Variants in B3GALT2 observed in about 807,000 individuals in gnomAD.
B3GALT2 encodes the protein beta-1,3-galactosyltransferase 2.
A neutral mutation model predicts 33.5 loss-of-function variants in B3GALT2; 13 were observed. The observed-to-expected ratio is 0.39, with a 90% confidence interval of 0.25 to 0.62. The LOEUF (loss-of-function observed/expected upper bound fraction) is 0.62, where lower values mean the gene tolerates loss of function less well. B3GALT2 is among the 20% of genes least tolerant of loss of function. The pLI is 0.53. For missense variants in B3GALT2, 418 were observed against 509.1 expected (o/e 0.82, Z 1.72); for synonymous variants, 195 against 172.7 (o/e 1.13, Z -1.01).
chr1:193,184,553 G>A (rs1313780483), intron 1 of B3GALT2, among the ~76,000 whole-genome samples: 1 of 151,804 alleles, frequency 6.6e-6, no homozygotes, highest in Non-Finnish European at 1.5e-5. Context: ...GTAAAATGCT[G>A]TTCAGTACAC....
At position 193,184,500 on chromosome 1, in the gene B3GALT2, GTATT is replaced by G. The variant is rs527885195; in HGVS notation, c.-121+1515_-121+1518del. 4.1e-3 allele frequency among the ~76,000 whole-genome samples: 624 copies of G among 151,958 alleles called. 5 individuals carry two copies. Among genetic ancestry groups the G allele is most frequent in the African/African-American group, 0.014 (589 of 41,530 alleles). On this transcript the variant is annotated intron_variant, in intron 1 of 1. Coordinates refer to ENST00000367434, the MANE Select transcript of B3GALT2 (RefSeq NM_003783.3). ...TTTGATATCTTCACATTATTAATGTGTATTTATAGCTTGTGGATGAAGTTCATGG... is the reference window on the plus strand; with the variant it reads ...TTTGATATCTTCACATTATTAATGTGTATAGCTTGTGGATGAAGTTCATGG...
In B3GALT2 at chr1:193,181,301, G is replaced by C. The variant is rs200584199; in HGVS notation, c.262C>G (p.Pro88Ala). The C allele has an allele frequency of 6.2e-7, 1 of 1,614,006 alleles. No homozygotes were observed. Among genetic ancestry groups the C allele is most frequent in the East Asian group, 2.2e-5 (1 of 44,876 alleles). Residue 88 changes from proline (P) to alanine (A), a missense_variant, in exon 2 of 2, where the codon CCT becomes GCT. Physicochemically the swap from Pro to Ala is conservative, Grantham distance 27 (BLOSUM62 -1). This residue lies in a region of B3GALT2 where 188 missense variants were observed against 197.5 expected (regional missense o/e 0.95). Transcript: ENST00000367434. ...GCTGTTTGAGGCCTCAGGGTTTGAG[G>C]GACTGTTTCTTTCCAAATGTTCCGA... The part of the protein sequence containing the change: ...SLRNIWKETV[P>A]QTLRPQTATN...
In B3GALT2 at chr1:193,180,564, A is replaced by G. The variant is rs774933703; in HGVS notation, c.999T>C (p.Gly333=). ...CATCTTCCAAGTGCAAACGGCGGAT[A>G]CCTAAAGAAACTTTAAAAATCTTTT... ...LAEKIFKVSL[G]IRRLHLEDVY... is the part of the protein sequence containing the mutation. The change falls in exon 2 of 2, where the codon GGT becomes GGC. Residue 333 remains glycine, a synonymous_variant. Coordinates refer to ENST00000367434, the MANE Select transcript of B3GALT2 (RefSeq NM_003783.3). 2.5e-6 allele frequency: 4 copies of G among 1,614,164 alleles called. No individual in the cohort carries two copies. In the South Asian group the frequency reaches 4.4e-5, roughly 18 times the overall value.
intron 1 of B3GALT2, among the ~76,000 whole-genome samples, chr1:193,181,966 A>G (rs1676724772): frequency 6.6e-6 from 1 of 152,206 alleles, no homozygotes; most frequent in South Asian, 2.1e-4. Context: ...TTAAAGATTT[A>G]AAAGTTGAAT....
At chr1:193,182,232 A>G (rs1426390964) in intron 1 of B3GALT2, among the ~76,000 whole-genome samples, 2 of 152,100 alleles carry the variant, frequency 1.3e-5, no homozygotes, top group Non-Finnish European at 2.9e-5. Context: ...TGTGTTGAGA[A>G]AGTCAATGAG....
At position 193,180,390 on chromosome 1, in the gene B3GALT2, T is replaced by C. The variant is rs1676692476; in HGVS notation, c.1173A>G (p.Ile391Met). The change falls in exon 2 of 2, where the codon ATA becomes ATG. Residue 391 changes from isoleucine to methionine, a missense_variant. Transcript: ENST00000367434. ...TTTGTTGTAAATGGTTCCAGTATTT[T>C]ATCAGTTCACTAGGCTGGAACTGAT... ...TSHQFQPSEL[I>M]KYWNHLQQNK... The C allele has an allele frequency of 6.2e-7, 1 of 1,613,764 alleles. No individual in the cohort carries two copies. Among genetic ancestry groups the C allele is most frequent in the Admixed American group, 1.7e-5 (1 of 59,968 alleles).
chr1:193,186,315 C>T lies in B3GALT2; in HGVS notation c.-417G>A, dbSNP rs1676805804. 1 of 152,332 alleles carries T rather than the reference C, an allele frequency of 6.6e-6. No homozygotes were observed. The highest frequency in any genetic ancestry group is 1.5e-5 in the Non-Finnish European group (1 of 68,020). The allele number at this position is 152,332 out of a possible 1,614,324, so 9.4% of individuals were successfully genotyped here. ...CTGCTTGTAGCACTGTTGACTCTTC[C>T]CGACAGTTGATGCATTGAAGCTTTT... On this transcript the variant is annotated 5_prime_UTR_variant, in exon 1 of 2. Coordinates refer to ENST00000367434, the MANE Select transcript of B3GALT2 (RefSeq NM_003783.3).
At position 193,186,511 on chromosome 1, in the gene B3GALT2, G is replaced by A. The variant is rs1262538557; in HGVS notation, c.-613C>T. On this transcript the variant is annotated 5_prime_UTR_variant, in exon 1 of 2. Transcript: ENST00000367434. ...ACCTCTCTTCTTTCGTTGTTGCCTGGCAGCTGCAGGAAGGATTTTGAGCAG... is the reference window on the plus strand; with the variant it reads ...ACCTCTCTTCTTTCGTTGTTGCCTGACAGCTGCAGGAAGGATTTTGAGCAG... 3 of 152,644 alleles carry A rather than the reference G, an allele frequency of 2.0e-5. No homozygotes were observed. The highest frequency in any genetic ancestry group is 7.2e-5 in the African/African-American group (3 of 41,538). 9.5% of individuals were successfully genotyped at this position (152,644 alleles called of 1,614,324 possible).
Position 193,179,130 on chromosome 1 carries a change from C to T in B3GALT2, c.*1164G>A, listed in dbSNP as rs1305706241. On this transcript the variant is annotated 3_prime_UTR_variant, in exon 2 of 2. Transcript: ENST00000367434. ...TCATCCTAGAATTGTGTTTGTCAAACGTTTGTAGTTTTCCCCATCCCTCCC... is the reference window on the plus strand; with the variant it reads ...TCATCCTAGAATTGTGTTTGTCAAATGTTTGTAGTTTTCCCCATCCCTCCC... The T allele has an allele frequency of 1.3e-5, 2 of 152,054 alleles. No homozygotes were observed. The highest frequency in any genetic ancestry group is 2.9e-5 in the Non-Finnish European group (2 of 67,998). The allele number at this position is 152,054 out of a possible 1,614,324, so 9.4% of individuals were successfully genotyped here. A position where few individuals can be genotyped will look rare whatever the true frequency, so the allele number is the denominator to read the frequency against.
intron 1 of B3GALT2, among the ~76,000 whole-genome samples, chr1:193,185,778 A>C (rs574997922): frequency 6.6e-6 from 1 of 151,988 alleles, no homozygotes; most frequent in Admixed American, 6.6e-5. Context: ...TCTTCTTCTT[A>C]TTTGCCTTTT....
In B3GALT2 at chr1:193,181,111, G is replaced by T. The variant is rs1323956750; in HGVS notation, c.452C>A (p.Pro151His). ...TGCAGCTATTAGTAGTATTAAAAAA[G>T]GACTTTTCTCTTGGCATTTTTCAGG... is the stretch of plus-strand genomic sequence containing the variant. The part of the protein sequence containing the change: ...NEPEKCQEKS[P>H]FLILLIAAEP... Residue 151 changes from proline to histidine, a missense_variant, in exon 2 of 2, where the codon CCT becomes CAT. This residue lies in a region of B3GALT2 where 188 missense variants were observed against 197.5 expected (regional missense o/e 0.95). Transcript: ENST00000367434. 6.2e-7 allele frequency: 1 copy of T among 1,613,884 alleles called. No individual in the cohort carries two copies. Among genetic ancestry groups the T allele is most frequent in the South Asian group, 1.1e-5 (1 of 91,072 alleles).
intron 1 of B3GALT2, among the ~76,000 whole-genome samples, chr1:193,182,775 T>C (rs1215491951): frequency 6.6e-6 from 1 of 152,122 alleles, no homozygotes; most frequent in Non-Finnish European, 1.5e-5. Flanking sequence ...GTTGTTGTTT[T>C]TAGTTTTTGG....
chr1:193,180,775 A>T lies in B3GALT2; in HGVS notation c.788T>A (p.Ile263Asn). The T allele has an allele frequency of 6.2e-7, 1 of 1,614,090 alleles. No homozygotes were observed. The highest frequency in any genetic ancestry group is 2.2e-5 in the East Asian group (1 of 44,880). Residue 263 changes from isoleucine (I) to asparagine (N), a missense_variant, in exon 2 of 2, where the codon ATC becomes AAC. Transcript: ENST00000367434. ...CAGATCTGGCTTCAGTAACTTATTG[A>T]TTAAATATTCAGTGTTGACAAACAT... The part of the protein sequence containing the change: ...SDMFVNTEYL[I>N]NKLLKPDLPP...
intron 1 of B3GALT2, among the ~76,000 whole-genome samples, chr1:193,185,619 G>A (rs1441749112): frequency 6.6e-6 from 1 of 151,782 alleles, no homozygotes; most frequent in Non-Finnish European, 1.5e-5. Context: ...TCACTGCATT[G>A]TGTCTTTTGA....
rs760629619 is a variant in B3GALT2 at position 193,181,619 on chromosome 1, T to G, written c.-57A>C. Reference sequence around the variant, plus strand: ...ATTGGTGACCAAAAATGTTTTCTTCTCCTTAATACTATTCTTTGGCAATCA... The same window carrying G: ...ATTGGTGACCAAAAATGTTTTCTTCGCCTTAATACTATTCTTTGGCAATCA... On this transcript the variant is annotated 5_prime_UTR_variant, in exon 2 of 2. Coordinates refer to ENST00000367434, the MANE Select transcript of B3GALT2 (RefSeq NM_003783.3). 4 of 1,387,634 alleles carry G rather than the reference T, an allele frequency of 2.9e-6. No individual in the cohort carries two copies. The highest frequency in any genetic ancestry group is 3.9e-6 in the Non-Finnish European group (4 of 1,017,502). 86.0% of individuals were successfully genotyped at this position (1,387,634 alleles called of 1,614,324 possible).
chr1:193,181,283 G>C lies in B3GALT2; in HGVS notation c.280C>G (p.Gln94Glu), dbSNP rs770182939. 1 of 1,614,080 alleles carries C rather than the reference G, an allele frequency of 6.2e-7. No homozygotes were observed. The highest frequency in any genetic ancestry group is 8.5e-7 in the Non-Finnish European group (1 of 1,179,960). ...GTGTTATTAGAGTTAGTTGCTGTTT[G>C]AGGCCTCAGGGTTTGAGGGACTGTT... Reference protein sequence around the residue: ...KETVPQTLRPQTATNSNNTDL... With the variant: ...KETVPQTLRPETATNSNNTDL... Residue 94 changes from glutamine (Q) to glutamate (E), a missense_variant, in exon 2 of 2, where the codon CAA becomes GAA. Around this residue, in one of 3 missense-constraint regions of B3GALT2, gnomAD observed 188 missense variants for 197.5 expected, o/e 0.95. Transcript: ENST00000367434.
In B3GALT2 at chr1:193,181,548, C is replaced by G; in HGVS notation, c.15G>C (p.Arg5Ser). ...TCTTTGCAAAGCAGCAGTGTCTTCT[C>G]CTCCACTGAAGCATGTTGTAAATAT... is the stretch of plus-strand genomic sequence containing the variant. MLQW[R>S]RRHCCFAKMT... The change falls in exon 2 of 2, where the codon AGG (arginine) becomes AGC (serine). Residue 5 changes from arginine to serine, a missense_variant. By Grantham distance (110) the Arg-to-Ser change is moderately radical. Coordinates refer to ENST00000367434, the MANE Select transcript of B3GALT2 (RefSeq NM_003783.3). The G allele has an allele frequency of 6.3e-7, 1 of 1,592,640 alleles. No individual in the cohort carries two copies.
chr1:193,180,478 A>G lies in B3GALT2; in HGVS notation c.1085T>C (p.Phe362Ser). 1.2e-6 allele frequency: 2 copies of G among 1,614,084 alleles called. No individual in the cohort carries two copies. The highest frequency in any genetic ancestry group is 1.3e-5 in the African/African-American group (1 of 75,060). Residue 362 changes from phenylalanine (F) to serine (S), a missense_variant, in exon 2 of 2, where the codon TTT (phenylalanine) becomes TCT (serine). Phe to Ser is a radical substitution (Grantham distance 155, BLOSUM62 -2). Transcript: ENST00000367434. ...RIDPVPPPNE[F>S]VFNHWRVSYS... is the part of the protein sequence containing the mutation. ...AGAGACTCGCCAGTGATTGAACACAAACTCATTGGGAGGGGGTACAGGATC... is the reference window on the plus strand; with the variant it reads ...AGAGACTCGCCAGTGATTGAACACAGACTCATTGGGAGGGGGTACAGGATC...
Position 193,178,789 on chromosome 1 carries a change from A to G in B3GALT2, c.*1505T>C, listed in dbSNP as rs1305113023. 2.0e-5 allele frequency among the ~76,000 whole-genome samples: 3 copies of G among 152,202 alleles called. No individual in the cohort carries two copies. The highest frequency in any genetic ancestry group is 7.2e-5 in the African/African-American group (3 of 41,454). ...CTACTGATTTGAAATGGAGATAAGCACTTAAACAGTTTTAGTGTTTTCAAG... is the reference window on the plus strand; with the variant it reads ...CTACTGATTTGAAATGGAGATAAGCGCTTAAACAGTTTTAGTGTTTTCAAG... On this transcript the variant is annotated 3_prime_UTR_variant, in exon 2 of 2. Transcript: ENST00000367434.
Sources: allele counts gnomAD v4.1 joint callset (sites outside exome capture counted in the v4.1 genomes callset), GRCh38; gene constraint gnomAD v4.1.1; regional missense constraint gnomAD v4.1.1; transcripts MANE v1.5; gene names NCBI Gene and HGNC (gene_info 2026-07-23, HGNC 2026-07-21).